PRSS12: variants seen among roughly 807,000 people sequenced by gnomAD.
PRSS12 encodes neurotrypsin.
Under a neutral mutation model 104.4 loss-of-function variants are expected in PRSS12, and 85 were observed. That is an observed-to-expected ratio of 0.81 (90% CI 0.68 to 0.98). The LOEUF is 0.98. Among genes scored for constraint, PRSS12 ranks in the 50% least tolerant of loss-of-function variants. The pLI, the probability that PRSS12 is intolerant of heterozygous loss-of-function variation, is 0.00. For missense variants in PRSS12, 1,141 were observed against 1,139.2 expected, an observed-to-expected ratio of 1.00 and a Z score of -0.02; for synonymous variants, 454 against 425.2, an observed-to-expected ratio of 1.07 and a Z score of -0.83.
chr4:118,318,608 C>CT, intron 4 of PRSS12, 52 bp from the exon 5 acceptor site: 1 of 1,553,662 alleles, frequency 6.4e-7, no homozygotes, highest in Non-Finnish European at 8.8e-7. Flanking sequence ...AAAGATTGGT[C>CT]TTTTATTTTT....
At position 118,352,286 on chromosome 4, in the gene PRSS12, G is replaced by C. The variant is rs1724528386; in HGVS notation, c.435C>G (p.Gly145=). 6.2e-7 allele frequency: 1 copy of C among 1,608,550 alleles called. No individual in the cohort carries two copies. The highest frequency in any genetic ancestry group is 1.3e-5 in the African/African-American group (1 of 75,012). ...HNFCRSPDGA[G]RPWCFYGDAR... ...CGTCTCCGTAGAAACACCAGGGTCT[G>C]CCCGCGCCGTCGGGGCTCCGACAAA... The change falls in exon 1 of 13, where the codon GGC becomes GGG. Residue 145 remains glycine, a synonymous_variant. Transcript: ENST00000296498.
At chr4:118,305,471 C>A (rs947586860) in intron 8 of PRSS12, among the ~76,000 whole-genome samples, 2 of 151,944 alleles carry the variant, frequency 1.3e-5, no homozygotes, top group African/African-American at 2.4e-5. Context: ...TCTTTTTTAG[C>A]TTTAATTAGG....
chr4:118,296,456 AAAG>A (rs1356538697), intron 9 of PRSS12, among the ~76,000 whole-genome samples: 3 of 152,318 alleles, frequency 2.0e-5, no homozygotes, highest in East Asian at 3.8e-4. Context: ...AACATACAAA[AAAG>A]AAGAATTAAA....
intron 9 of PRSS12, among the ~76,000 whole-genome samples, chr4:118,296,584 G>A (rs1743260358): frequency 6.6e-6 from 1 of 152,118 alleles, no homozygotes; most frequent in Non-Finnish European, 1.5e-5. Flanking sequence ...TTGTTTCTTT[G>A]GTTAAATATA....
chr4:118,303,846 T>C (rs1013137114), intron 8 of PRSS12: 2 of 152,080 alleles, frequency 1.3e-5, no homozygotes, highest in African/African-American at 2.4e-5. Context: ...CTCCAAATCC[T>C]ACCGCAGTGC....
At chr4:118,311,073 T>C (rs1358797661) in intron 7 of PRSS12, among the ~76,000 whole-genome samples, 4 of 152,022 alleles carry the variant, frequency 2.6e-5, no homozygotes, top group Non-Finnish European at 5.9e-5. Context: ...AATTAATTAA[T>C]TAAATTAAGC....
chr4:118,308,367 T>C, intron 8 of PRSS12, 69 bp downstream of exon 8: 1 of 1,591,986 alleles, frequency 6.3e-7, no homozygotes, highest in South Asian at 1.1e-5. Context: ...AAGTAACTCA[T>C]TAGATTAAGC....
chr4:118,309,206 C>T (rs1743640552), intron 7 of PRSS12, among the ~76,000 whole-genome samples: 1 of 151,990 alleles, frequency 6.6e-6, no homozygotes. Context: ...AGTTGAGAAA[C>T]TGAACTCTAG....
In PRSS12 at chr4:118,312,709, T is replaced by A. The variant is rs13434557; in HGVS notation, c.1489+492A>T. ...GAGCTATTAACTTTAATTAATCCAC[T>A]TAGAAGACCACTGAGACACTTAAAA... On this transcript the variant is annotated intron_variant, in intron 7 of 12. Coordinates refer to ENST00000296498, the MANE Select transcript of PRSS12 (RefSeq NM_003619.4). 6.8e-3 allele frequency among the ~76,000 whole-genome samples: 1,032 copies of A among 152,066 alleles called. 11 individuals are homozygous for A. The highest frequency in any genetic ancestry group is 0.023 in the African/African-American group (971 of 41,504).
Position 118,318,292 on chromosome 4 carries a change from G to A in PRSS12, c.1150+86C>T, listed in dbSNP as rs2126035649. On this transcript the variant is annotated intron_variant, in intron 5 of 12. Coordinates refer to ENST00000296498, the MANE Select transcript of PRSS12 (RefSeq NM_003619.4). ...TTTATTTGTATGCTCATTTGGTAATGTTGAAATTAAGGAGAAGGGAAGCTG... is the reference window on the plus strand; with the variant it reads ...TTTATTTGTATGCTCATTTGGTAATATTGAAATTAAGGAGAAGGGAAGCTG... The A allele has an allele frequency of 3.8e-6, 5 of 1,306,966 alleles. No homozygotes were observed. The Middle Eastern group carries it at 1.0e-3, about 270-fold the overall frequency. 81.0% of individuals were successfully genotyped at this position (1,306,966 alleles called of 1,614,324 possible). A position where few individuals can be genotyped will look rare whatever the true frequency, so the allele number is the denominator to read the frequency against.
Position 118,313,334 on chromosome 4 carries a change from G to A in PRSS12, c.1356C>T (p.Asp452=), listed in dbSNP as rs188253418. 1.6e-4 allele frequency: 254 copies of A among 1,614,092 alleles called. 1 individual carries two copies. Among genetic ancestry groups the A allele is most frequent in the East Asian group, 9.6e-4 (43 of 44,872 alleles). ...EESTGPIWLD[D]VSCSGKETRF... is the part of the protein sequence containing the mutation. ...TGGTTTCCTTTCCTGAGCAGCTGAC[G>A]TCATCCAACCATATGGGCCCTGTGC... The change falls in exon 7 of 13, where the codon GAC becomes GAT. Residue 452 remains aspartate, a synonymous_variant. Coordinates refer to ENST00000296498, the MANE Select transcript of PRSS12 (RefSeq NM_003619.4).
In PRSS12 at chr4:118,283,517, A is replaced by G. The variant is rs190744796; in HGVS notation, c.2040-406T>C. On this transcript the variant is annotated intron_variant, in intron 11 of 12. Coordinates refer to ENST00000296498, the MANE Select transcript of PRSS12 (RefSeq NM_003619.4). Reference sequence around the variant, plus strand: ...GGCAGAAACTAACTTTGTGTCCCTCAAAGTACTTAGTACAATCGACTTCAC... The same window carrying G: ...GGCAGAAACTAACTTTGTGTCCCTCGAAGTACTTAGTACAATCGACTTCAC... Among the ~76,000 whole-genome samples the G allele has an allele frequency of 1.1e-4, 17 of 152,338 alleles. No homozygotes were observed. The East Asian group carries it at 3.1e-3, about 28-fold the overall frequency.
At chr4:118,329,947 G>T (rs963474998) in intron 4 of PRSS12, among the ~76,000 whole-genome samples, 1 of 152,084 alleles carries the variant, frequency 6.6e-6, no homozygotes, top group Non-Finnish European at 1.5e-5. Context: ...TTGATACCCA[G>T]TCAAAACACT....
intron 4 of PRSS12, among the ~76,000 whole-genome samples, chr4:118,326,531 T>A (rs1723775637): frequency 6.6e-6 from 1 of 152,192 alleles, no homozygotes; most frequent in Non-Finnish European, 1.5e-5. Context: ...TCTTGCAGCC[T>A]CCTGGAACGC....
At chr4:118,332,604 T>A (rs1200852928) in intron 3 of PRSS12, among the ~76,000 whole-genome samples, 2 of 152,172 alleles carry the variant, frequency 1.3e-5, no homozygotes, top group Admixed American at 6.5e-5. Flanking sequence ...TTTACTTTTA[T>A]CTAAAATTGT....
rs1250305927 is a variant in PRSS12, at chr4:118,280,067, C to A, written c.*1869G>T. On this transcript the variant is annotated 3_prime_UTR_variant, in exon 13 of 13. Coordinates refer to ENST00000296498, the MANE Select transcript of PRSS12 (RefSeq NM_003619.4). ...AGGTGGAAAATTATGTATTTATTTA[C>A]ACAAATATGCACAGAACACTTGTAT... The A allele has an allele frequency of 2.6e-5, 4 of 152,206 alleles. No individual in the cohort carries two copies. The highest frequency in any genetic ancestry group is 5.9e-5 in the Non-Finnish European group (4 of 68,032). 9.4% of individuals were successfully genotyped at this position (152,206 alleles called of 1,614,324 possible). A position where few individuals can be genotyped will look rare whatever the true frequency, so the allele number is the denominator to read the frequency against.
In PRSS12 at chr4:118,352,687, A is replaced by C. The variant is rs1464801419; in HGVS notation, c.34T>G (p.Leu12Val). 8 of 1,612,936 alleles carry C rather than the reference A, an allele frequency of 5.0e-6. No homozygotes were observed. The South Asian group carries it at 8.8e-5, about 18-fold the overall frequency. Reference sequence around the variant, plus strand: ...CCGACCACTTCGGGGAGCGCCCCTAACATCAGGGCTAGCACGAAGCGGGCG... The same window carrying C: ...CCGACCACTTCGGGGAGCGCCCCTACCATCAGGGCTAGCACGAAGCGGGCG... Reference protein sequence around the residue: ...TLARFVLALMLGALPEVVGFD... With the variant: ...TLARFVLALMVGALPEVVGFD... Residue 12 changes from leucine (L) to valine (V), a missense_variant, in exon 1 of 13, where the codon TTA becomes GTA. Leu to Val is a conservative substitution (Grantham distance 32). Transcript: ENST00000296498.
At chr4:118,301,611 G>A (rs1306769318) in intron 8 of PRSS12, among the ~76,000 whole-genome samples, 1 of 152,126 alleles carries the variant, frequency 6.6e-6, no homozygotes, top group African/African-American at 2.4e-5. Context: ...CAGGATTGCG[G>A]TACATCTCTT....
intron 1 of PRSS12, among the ~76,000 whole-genome samples, 193 bp downstream of exon 1, chr4:118,352,026 C>A (rs1724518119): frequency 6.6e-6 from 1 of 152,148 alleles, no homozygotes; most frequent in Admixed American, 6.5e-5. Context: ...ACAAGCACAC[C>A]TGGCTGGCTT....
Sources: gnomAD v4.1 joint callset for allele counts (sites outside exome capture counted in the v4.1 genomes callset) on GRCh38, gnomAD v4.1.1 for gene constraint, MANE v1.5 for transcripts, NCBI Gene and HGNC (gene_info 2026-07-23, HGNC 2026-07-21) for gene names.